Variants in PCDHGA12 observed in about 807,000 individuals in gnomAD.
The protein encoded by PCDHGA12 is protocadherin gamma-A12.
Under a neutral mutation model 61.1 loss-of-function variants are expected in PCDHGA12, and 43 were observed. The ratio of observed to expected loss-of-function variants is 0.70; its 90% CI spans 0.55 to 0.91. The LOEUF (loss-of-function observed/expected upper bound fraction) is 0.91, where lower values mean the gene tolerates loss of function less well. PCDHGA12 is among the 40% of genes least tolerant of loss of function. The pLI, the probability that PCDHGA12 is intolerant of heterozygous loss-of-function variation, is 0.00. For synonymous variants in PCDHGA12, 520 were observed against 542.9 expected (o/e 0.96, Z 0.59); for missense variants, 1,236 against 1,227.7 (o/e 1.01, Z -0.10).
chr5:141,509,027 A>G (rs1409179803), intron 3 of PCDHGA12, among the ~76,000 whole-genome samples: 1 of 151,700 alleles, frequency 6.6e-6, no homozygotes, highest in Non-Finnish European at 1.5e-5. Flanking sequence ...GCTCCCTCCC[A>G]CTCAACCCCT....
Position 141,476,836 on chromosome 5 carries a change from T to G in PCDHGA12, c.2425-17971T>G. 1 of 1,613,652 alleles carries G rather than the reference T, an allele frequency of 6.2e-7. No homozygotes were observed. The highest frequency in any genetic ancestry group is 8.5e-7 in the Non-Finnish European group (1 of 1,180,042). On this transcript the variant is annotated intron_variant, in intron 1 of 3. Coordinates refer to ENST00000252085, the MANE Select transcript of PCDHGA12 (RefSeq NM_003735.3). The surrounding 1 kb of genome is among the most constrained non-coding windows in gnomAD (Gnocchi z 7.6). ...TCAAGGTGCTGGACGCGAATGACAATGCGCCTGTCTTCAACCAGTCCTTGT... is the reference window on the plus strand; with the variant it reads ...TCAAGGTGCTGGACGCGAATGACAAGGCGCCTGTCTTCAACCAGTCCTTGT...
intron 1 of PCDHGA12, among the ~76,000 whole-genome samples, chr5:141,467,790 C>T (rs1321576171): frequency 6.6e-6 from 1 of 152,118 alleles, no homozygotes; most frequent in Non-Finnish European, 1.5e-5. Context: ...TCTCAAGTAG[C>T]TGGGACTACA....
chr5:141,494,845 C>G lies in PCDHGA12; in HGVS notation c.2463C>G (p.Ala821=), dbSNP rs747484430. The part of the protein sequence containing the change: ...PPNTDWRFSQ[A]QRPGTSGSQN... Reference sequence around the variant, plus strand: ...ACACGGACTGGCGTTTCTCTCAGGCCCAGAGACCCGGCACCAGCGGGTAGG... The same window carrying G: ...ACACGGACTGGCGTTTCTCTCAGGCGCAGAGACCCGGCACCAGCGGGTAGG... The change falls in exon 2 of 4, where the codon GCC becomes GCG. Residue 821 remains alanine, a synonymous_variant. Transcript: ENST00000252085. 1.2e-6 allele frequency: 2 copies of G among 1,614,144 alleles called. No individual in the cohort carries two copies. The highest frequency in any genetic ancestry group is 1.7e-6 in the Non-Finnish European group (2 of 1,180,028).
In PCDHGA12 at chr5:141,493,079, G is replaced by A. The variant is rs1299289839; in HGVS notation, c.2425-1728G>A. 6.6e-6 allele frequency among the ~76,000 whole-genome samples: 1 copy of A among 152,204 alleles called. No homozygotes were observed. Among genetic ancestry groups the A allele is most frequent in the East Asian group, 1.9e-4 (1 of 5,196 alleles). Reference sequence around the variant, plus strand: ...AAAAACACAAGTTTCTCCAACTCCAGGAGCTTTTATTCAAAATATATCAAT... The same window carrying A: ...AAAAACACAAGTTTCTCCAACTCCAAGAGCTTTTATTCAAAATATATCAAT... On this transcript the variant is annotated intron_variant, in intron 1 of 3. Transcript: ENST00000252085. The surrounding 1 kb of genome is among the most constrained non-coding windows in gnomAD (Gnocchi z 4.3).
Position 141,486,552 on chromosome 5 carries a change from A to G in PCDHGA12, c.2425-8255A>G. On this transcript the variant is annotated intron_variant, in intron 1 of 3. Coordinates refer to ENST00000252085, the MANE Select transcript of PCDHGA12 (RefSeq NM_003735.3). This position sits in a 1 kb window ranked among gnomAD's most constrained non-coding sequence, Gnocchi z 5.0. ...CCACCCTCTTTCTTTCAGAGGTCAC[A>G]TGAGGTGTTTGTTCCTGAGAACAAT... is the stretch of plus-strand genomic sequence containing the variant. 1 of 1,614,136 alleles carries G rather than the reference A, an allele frequency of 6.2e-7. No homozygotes were observed. The highest frequency in any genetic ancestry group is 2.2e-5 in the East Asian group (1 of 44,882).
chr5:141,430,771 G>A lies in PCDHGA12; in HGVS notation c.12G>A (p.Ala4=), dbSNP rs772862341. The change falls in exon 1 of 4, where the codon GCG becomes GCA. Residue 4 remains alanine (A), a synonymous_variant. Coordinates refer to ENST00000252085, the MANE Select transcript of PCDHGA12 (RefSeq NM_003735.3). MIP[A]RLHRDYKGLV... Reference sequence around the variant, plus strand: ...GGAGGAAGATAAGAATGATTCCTGCGCGACTGCACCGGGACTACAAAGGGC... The same window carrying A: ...GGAGGAAGATAAGAATGATTCCTGCACGACTGCACCGGGACTACAAAGGGC... 2.5e-5 allele frequency: 37 copies of A among 1,506,734 alleles called. No individual in the cohort carries two copies. The highest frequency in any genetic ancestry group is 2.7e-5 in the Non-Finnish European group (31 of 1,129,236). The allele number at this position is 1,506,734 out of a possible 1,614,324, so 93.3% of individuals were successfully genotyped here. A position where few individuals can be genotyped will look rare whatever the true frequency, so the allele number is the denominator to read the frequency against.
In PCDHGA12 at chr5:141,477,868, C is replaced by T. The variant is rs1450078298; in HGVS notation, c.2425-16939C>T. 2 of 1,613,750 alleles carry T rather than the reference C, an allele frequency of 1.2e-6. No individual in the cohort carries two copies. Among genetic ancestry groups the T allele is most frequent in the Admixed American group, 3.3e-5 (2 of 59,988 alleles). On this transcript the variant is annotated intron_variant, in intron 1 of 3. Coordinates refer to ENST00000252085, the MANE Select transcript of PCDHGA12 (RefSeq NM_003735.3). This position sits in a 1 kb window ranked among gnomAD's most constrained non-coding sequence, Gnocchi z 4.9. ...CGGTGGAGATGCTGCCTCGAGGTAC[C>T]TCAGCTGGCCACCTAGTGTCACGGG...
At position 141,485,413 on chromosome 5, in the gene PCDHGA12, C is replaced by T; in HGVS notation, c.2425-9394C>T. ...AAAGACACTTCCGTGTGGATTTGGA[C>T]AGCGGAGCCCTGCTCATCAAGAACC... On this transcript the variant is annotated intron_variant, in intron 1 of 3. Transcript: ENST00000252085. The surrounding 1 kb of genome is among the most constrained non-coding windows in gnomAD (Gnocchi z 5.7). The T allele has an allele frequency of 6.2e-7, 1 of 1,614,158 alleles. No individual in the cohort carries two copies. The highest frequency in any genetic ancestry group is 8.5e-7 in the Non-Finnish European group (1 of 1,180,030).
In PCDHGA12 at chr5:141,485,222, C is replaced by A; in HGVS notation, c.2425-9585C>A. The A allele has an allele frequency of 6.2e-7, 1 of 1,614,196 alleles. No homozygotes were observed. The highest frequency in any genetic ancestry group is 8.5e-7 in the Non-Finnish European group (1 of 1,180,020). On this transcript the variant is annotated intron_variant, in intron 1 of 3. Transcript: ENST00000252085. This position sits in a 1 kb window ranked among gnomAD's most constrained non-coding sequence, Gnocchi z 5.7. ...GACAGAAATCTGGCGGTGGGCTACC[C>A]TTTTGTTCCTCTTTTACCACCTGGG...
At chr5:141,445,282 T>G (rs1023693067) in intron 1 of PCDHGA12, among the ~76,000 whole-genome samples, 4 of 152,220 alleles carry the variant, frequency 2.6e-5, no homozygotes, top group Non-Finnish European at 5.9e-5. Context: ...TCTGCATAAG[T>G]TCAGGCTTCC....
intron 2 of PCDHGA12, among the ~76,000 whole-genome samples, chr5:141,503,596 C>T (rs1267014587): frequency 7.7e-6 from 1 of 129,694 alleles, no homozygotes; most frequent in African/African-American, 3.3e-5. Context: ...GAGACTCCAG[C>T]TCAAAAAAAA....
chr5:141,507,846 T>G (rs892503210), intron 3 of PCDHGA12, among the ~76,000 whole-genome samples: 1 of 152,134 alleles, frequency 6.6e-6, no homozygotes, highest in African/African-American at 2.4e-5. Context: ...CAGGCCCTGC[T>G]CTCACTTTCA....
In PCDHGA12 at chr5:141,512,926, T is replaced by C. The variant is rs1438111849; in HGVS notation, c.*1753T>C. The C allele has an allele frequency of 6.6e-6, 1 of 152,216 alleles. No homozygotes were observed. The highest frequency in any genetic ancestry group is 1.5e-5 in the Non-Finnish European group (1 of 68,048). 9.4% of individuals were successfully genotyped at this position (152,216 alleles called of 1,614,324 possible). A position where few individuals can be genotyped will look rare whatever the true frequency, so the allele number is the denominator to read the frequency against. On this transcript the variant is annotated 3_prime_UTR_variant, in exon 4 of 4. Coordinates refer to ENST00000252085, the MANE Select transcript of PCDHGA12 (RefSeq NM_003735.3). ...CGCAAGTTTTATACTCTAATATTTA[T>C]ATGGCTTTTTTTCTTCGACAAAAAA...
intron 2 of PCDHGA12, among the ~76,000 whole-genome samples, chr5:141,502,194 T>C (rs1470985683): frequency 2.6e-5 from 4 of 152,212 alleles, no homozygotes; most frequent in Non-Finnish European, 4.4e-5. Flanking sequence ...TACAATAATA[T>C]AGAATCCACC....
Position 141,433,064 on chromosome 5 carries a change from A to T in PCDHGA12, c.2305A>T (p.Ile769Phe). 1 of 1,614,064 alleles carries T rather than the reference A, an allele frequency of 6.2e-7. No individual in the cohort carries two copies. Among genetic ancestry groups the T allele is most frequent in the Non-Finnish European group, 8.5e-7 (1 of 1,180,014 alleles). Residue 769 changes from isoleucine to phenylalanine, a missense_variant, in exon 1 of 4, where the codon ATC becomes TTC. Physicochemically the swap from Ile to Phe is conservative, Grantham distance 21. Coordinates refer to ENST00000252085, the MANE Select transcript of PCDHGA12 (RefSeq NM_003735.3). ...LTTDSRKSHL[I>F]FPQPNYADML... The stretch of plus-strand genomic sequence containing the variant: ...CACGGACTCGCGGAAGAGTCACCTG[A>T]TCTTCCCCCAGCCCAACTATGCAGA...
rs751318430 is a variant in PCDHGA12 at position 141,485,603 on chromosome 5, G to A, written c.2425-9204G>A. 1 of 1,612,482 alleles carries A rather than the reference G, an allele frequency of 6.2e-7. No homozygotes were observed. The stretch of plus-strand genomic sequence containing the variant: ...GCAGCAGCTGGACTTGGAAATTGGG[G>A]AGGCAGCTCCTCCAGGACAGCGTTT... On this transcript the variant is annotated intron_variant, in intron 1 of 3. Coordinates refer to ENST00000252085, the MANE Select transcript of PCDHGA12 (RefSeq NM_003735.3). This position sits in a 1 kb window ranked among gnomAD's most constrained non-coding sequence, Gnocchi z 5.7.
intron 1 of PCDHGA12, among the ~76,000 whole-genome samples, chr5:141,442,789 T>C (rs2098343347): frequency 6.6e-6 from 1 of 152,196 alleles, no homozygotes; most frequent in African/African-American, 2.4e-5. Flanking sequence ...ATTTTATAAT[T>C]TTACTTTGAT....
chr5:141,465,546 T>C (rs572856697), intron 1 of PCDHGA12, among the ~76,000 whole-genome samples: 1 of 152,338 alleles, frequency 6.6e-6, no homozygotes, highest in South Asian at 2.1e-4. Context: ...GCATTTTTTC[T>C]GCTGAAGCTT....
Position 141,487,229 on chromosome 5 carries a change from G to A in PCDHGA12, c.2425-7578G>A. On this transcript the variant is annotated intron_variant, in intron 1 of 3. Coordinates refer to ENST00000252085, the MANE Select transcript of PCDHGA12 (RefSeq NM_003735.3). The surrounding 1 kb of genome is among the most constrained non-coding windows in gnomAD (Gnocchi z 5.0). ...AGAATCTTCAGCTCCAAGGGAAGGA[G>A]AATCTCGTCTAACCCTCTACTTGGC... is the stretch of plus-strand genomic sequence containing the variant. The A allele has an allele frequency of 6.2e-7, 1 of 1,614,138 alleles. No individual in the cohort carries two copies. The highest frequency in any genetic ancestry group is 8.5e-7 in the Non-Finnish European group (1 of 1,179,994).
Sources: gnomAD v4.1 joint callset for allele counts (sites outside exome capture counted in the v4.1 genomes callset) on GRCh38, gnomAD v4.1.1 for gene constraint, Gnocchi (gnomAD v3.1) non-coding constraint, MANE v1.5 for transcripts, NCBI Gene and HGNC (gene_info 2026-07-23, HGNC 2026-07-21) for gene names.